BPIFA3: variants seen among roughly 807,000 people sequenced by gnomAD.
BPIFA3 encodes BPI fold containing family A member 3, also known as BPI fold-containing family A member 3.
A neutral mutation model predicts 29.7 loss-of-function variants in BPIFA3; 32 were observed. The ratio of observed to expected loss-of-function variants is 1.08; its 90% confidence interval spans 0.81 to 1.45. The LOEUF (loss-of-function observed/expected upper bound fraction) is 1.45, where lower values mean the gene tolerates loss of function less well. Among genes scored for constraint, BPIFA3 ranks in the 40% most tolerant of loss-of-function variants. The pLI is 0.00. For missense variants in BPIFA3, 323 were observed against 311.3 expected (o/e 1.04, Z -0.28); for synonymous variants, 112 against 113.7 (o/e 0.98, Z 0.10).
At chr20:33,221,044 CT>C (rs1319711489) in intron 1 of BPIFA3, among the ~76,000 whole-genome samples, 1 of 152,198 alleles carries the variant, frequency 6.6e-6, no homozygotes, top group South Asian at 2.1e-4. Flanking sequence ...AAGTTAATCA[CT>C]TTTTTCCTCC....
At chr20:33,219,544 T>C (rs1474994575) in intron 1 of BPIFA3, among the ~76,000 whole-genome samples, 1 of 152,208 alleles carries the variant, frequency 6.6e-6, no homozygotes, top group African/African-American at 2.4e-5. Context: ...TTTTAACCCA[T>C]CTCTGGAGGC....
chr20:33,224,473 C>G lies in BPIFA3; in HGVS notation c.386+11C>G, dbSNP rs774704918. ...CCTTGAATTGAGACCGTGAGTCATA[C>G]AGAAGCAGAATCTGAGAGGTGCTGG... On this transcript the variant is annotated intron_variant, in intron 3 of 6. Coordinates refer to ENST00000375454, the MANE Select transcript of BPIFA3 (RefSeq NM_178466.5). 6.3e-7 allele frequency: 1 copy of G among 1,596,310 alleles called. No homozygotes were observed. Among genetic ancestry groups the G allele is most frequent in the Non-Finnish European group, 8.6e-7 (1 of 1,164,028 alleles).
At chr20:33,226,083 C>T (rs1468667895) in intron 4 of BPIFA3, 3 of 241,746 alleles carry the variant, frequency 1.2e-5, no homozygotes, top group Non-Finnish European at 1.6e-5. Flanking sequence ...CAATGAAGAC[C>T]TCAGTGGATG....
chr20:33,224,815 G>A (rs1042762107), intron 3 of BPIFA3, among the ~76,000 whole-genome samples: 4 of 152,130 alleles, frequency 2.6e-5, no homozygotes, highest in Non-Finnish European at 5.9e-5. Context: ...CCCAAGAAAG[G>A]GAGGATGCAG....
intron 1 of BPIFA3, among the ~76,000 whole-genome samples, chr20:33,222,630 G>T (rs73904637): frequency 1.8e-4 from 20 of 112,974 alleles, no homozygotes; most frequent in African/African-American, 1.1e-3. Context: ...ATGGATGAGC[G>T]GATGAATGGA....
chr20:33,226,506 A>T lies in BPIFA3; in HGVS notation c.621+16A>T, dbSNP rs1348841448. 1 of 1,569,810 alleles carries T rather than the reference A, an allele frequency of 6.4e-7. No homozygotes were observed. Among genetic ancestry groups the T allele is most frequent in the Admixed American group, 1.7e-5 (1 of 57,654 alleles). On this transcript the variant is annotated intron_variant, in intron 5 of 6. Transcript: ENST00000375454. Reference sequence around the variant, plus strand: ...AGAAAGTCAGGTAAGTTTAGAAAAAACTTTGCATCTTGAGCATCCTTGAGT... The same window carrying T: ...AGAAAGTCAGGTAAGTTTAGAAAAATCTTTGCATCTTGAGCATCCTTGAGT...
In BPIFA3 at chr20:33,224,400, A is replaced by T; in HGVS notation, c.324A>T (p.Ile108=). 6.2e-7 allele frequency: 1 copy of T among 1,614,206 alleles called. No individual in the cohort carries two copies. The highest frequency in any genetic ancestry group is 8.5e-7 in the Non-Finnish European group (1 of 1,180,028). Residue 108 remains isoleucine, a synonymous_variant, in exon 3 of 7, where the codon ATA becomes ATT. Coordinates refer to ENST00000375454, the MANE Select transcript of BPIFA3 (RefSeq NM_178466.5). ...NIQLDCGGIQ[I]SFHKEWFSAN... ...AGCTGGACTGTGGTGGGATCCAGAT[A>T]TCATTCCATAAGGAGTGGTTCTCGG...
intron 2 of BPIFA3, among the ~76,000 whole-genome samples, 160 bp downstream of exon 2, chr20:33,224,121 G>A (rs1268795499): frequency 6.6e-6 from 1 of 152,212 alleles, no homozygotes; most frequent in Non-Finnish European, 1.5e-5. Context: ...GGAACAGTGG[G>A]GGCCCAGCTG....
chr20:33,227,708 C>A lies in BPIFA3; in HGVS notation c.*91C>A, dbSNP rs945055474. ...GCTACCCTAAAAACTTTACCCCAGG[C>A]TCTGTGGACATACCATCCTCTCCTA... On this transcript the variant is annotated 3_prime_UTR_variant, in exon 7 of 7. Transcript: ENST00000375454. 8 of 1,066,368 alleles carry A rather than the reference C, an allele frequency of 7.5e-6. No individual in the cohort carries two copies. The highest frequency in any genetic ancestry group is 1.1e-5 in the Non-Finnish European group (8 of 704,308). 66.1% of individuals were successfully genotyped at this position (1,066,368 alleles called of 1,614,324 possible).
In BPIFA3 at chr20:33,218,644, T is replaced by A. The variant is rs530914356; in HGVS notation, c.127+981T>A. Among the ~76,000 whole-genome samples the A allele has an allele frequency of 3.3e-5, 5 of 152,326 alleles. No individual in the cohort carries two copies. The South Asian group carries it at 1.0e-3, about 32-fold the overall frequency. ...CTCTGTGCATGCAGAGAAAGAGATC[T>A]GTTTCTTCTTATAAGGACACCAATC... On this transcript the variant is annotated intron_variant, in intron 1 of 6. Coordinates refer to ENST00000375454, the MANE Select transcript of BPIFA3 (RefSeq NM_178466.5).
intron 3 of BPIFA3, 145 bp downstream of exon 3, chr20:33,224,607 C>T (rs1009477530): frequency 2.9e-6 from 2 of 678,432 alleles, no homozygotes; most frequent in Admixed American, 2.5e-5. Flanking sequence ...GTCACTTCAC[C>T]TCTCTGAGCC....
chr20:33,224,385 T>C lies in BPIFA3; in HGVS notation c.309T>C (p.Cys103=). 13 of 1,614,214 alleles carry C rather than the reference T, an allele frequency of 8.1e-6. No homozygotes were observed. The highest frequency in any genetic ancestry group is 1.1e-5 in the Non-Finnish European group (13 of 1,180,002). The change falls in exon 3 of 7, where the codon TGT becomes TGC. Residue 103 remains cysteine, a synonymous_variant. Transcript: ENST00000375454. ...SINITNIQLD[C]GGIQISFHKE... ...ACATCACCAACATTCAGCTGGACTG[T>C]GGTGGGATCCAGATATCATTCCATA... is the stretch of plus-strand genomic sequence containing the variant.
chr20:33,223,567 AC>A (rs1400888585), intron 1 of BPIFA3: 13 of 430,924 alleles, frequency 3.0e-5, no homozygotes, highest in African/African-American at 2.5e-4. Flanking sequence ...CAACCAGAAT[AC>A]CCCACTTTGA....
intron 1 of BPIFA3, 144 bp from the exon 2 acceptor site, chr20:33,223,667 T>C (rs1985628715): frequency 6.4e-6 from 5 of 785,646 alleles, no homozygotes; most frequent in South Asian, 4.4e-5. Context: ...ATGAAGAAGG[T>C]AGATCTCCAT....
intron 1 of BPIFA3, 139 bp from the exon 2 acceptor site, chr20:33,223,672 C>G: frequency 1.2e-6 from 1 of 834,080 alleles, no homozygotes; most frequent in Non-Finnish European, 1.8e-6. Context: ...GAAGGTAGAT[C>G]TCCATGGGGA....
At chr20:33,227,416 GTT>G (rs2146490747) in intron 6 of BPIFA3, 120 bp from the exon 7 acceptor site, 1 of 779,808 alleles carries the variant, frequency 1.3e-6, no homozygotes, top group East Asian at 2.5e-5. Flanking sequence ...TTTGGGGAGG[GTT>G]TTCACGTGAA....
intron 3 of BPIFA3, 133 bp from the exon 4 acceptor site, chr20:33,224,951 TTTAACTGGGCCTAG>T: frequency 1.5e-6 from 1 of 686,046 alleles, no homozygotes; most frequent in East Asian, 2.7e-5. Flanking sequence ...GACTTCAGGA[TTTAACTGGGCCTAG>T]TTTGTTGAAA....
At chr20:33,223,563 G>A in intron 1 of BPIFA3, 1 of 424,646 alleles carries the variant, frequency 2.4e-6, no homozygotes. Context: ...CTTTCAACCA[G>A]AATACCCCAC....
Position 33,225,170 on chromosome 20 carries a change from C to G in BPIFA3, c.459C>G (p.Asp153Glu). The change falls in exon 4 of 7, where the codon GAC (aspartate) becomes GAG (glutamate). Residue 153 changes from aspartate to glutamate, a missense_variant. Physicochemically the swap from Asp to Glu is conservative, Grantham distance 45. Transcript: ENST00000375454. ...SIVVEFWLEK[D>E]EFGRRDLVIG... ...TTGTGGAGTTCTGGCTGGAGAAAGA[C>G]GAGTTTGGCCGGAGGGATCTGGTGA... The G allele has an allele frequency of 6.2e-7, 1 of 1,614,096 alleles. No homozygotes were observed. Among genetic ancestry groups the G allele is most frequent in the Non-Finnish European group, 8.5e-7 (1 of 1,180,006 alleles).
Sources: allele counts gnomAD v4.1 joint callset (sites outside exome capture counted in the v4.1 genomes callset), GRCh38; gene constraint gnomAD v4.1.1; transcripts MANE v1.5; gene names NCBI Gene and HGNC (gene_info 2026-07-23, HGNC 2026-07-21).